Variants in ZDHHC16 observed in about 807,000 individuals in gnomAD.
The protein encoded by ZDHHC16 is zDHHC palmitoyltransferase 16.
ZDHHC16 carries 33 observed loss-of-function variants against 54.4 expected under a neutral mutation model. The ratio of observed to expected loss-of-function variants is 0.61; its 90% CI spans 0.46 to 0.81. The LOEUF (loss-of-function observed/expected upper bound fraction) is 0.81, where lower values mean the gene tolerates loss of function less well. Among genes scored for constraint, ZDHHC16 ranks in the 30% least tolerant of loss-of-function variants. The pLI is 0.00. For missense variants in ZDHHC16, 420 were observed against 485.9 expected (o/e 0.86, Z 1.28); for synonymous variants, 185 against 182.1 (o/e 1.02, Z -0.13).
rs919246194 is a variant in ZDHHC16 at position 97,451,591 on chromosome 10, G to C, written c.-5-80G>C. ...TTAGTCTTAGGTCTTTGCCCTCCAA[G>C]TGAGTACTCTAGGCCTTCCCACTAG... On this transcript the variant is annotated intron_variant, in intron 2 of 11. Coordinates refer to ENST00000393760, the MANE Select transcript of ZDHHC16 (RefSeq NM_198046.3). 8 of 1,523,196 alleles carry C rather than the reference G, an allele frequency of 5.3e-6. No homozygotes were observed. In the African/African-American group the frequency reaches 1.1e-4, roughly 21 times the overall value. 94.4% of individuals were successfully genotyped at this position (1,523,196 alleles called of 1,614,324 possible). A position where few individuals can be genotyped will look rare whatever the true frequency, so the allele number is the denominator to read the frequency against.
intron 6 of ZDHHC16, 149 bp downstream of exon 6, chr10:97,453,072 C>A: frequency 2.0e-6 from 2 of 1,015,684 alleles, no homozygotes; most frequent in Non-Finnish European, 3.1e-6. Context: ...GAGCAGGAAG[C>A]TCACACTCTA....
intron 5 of ZDHHC16, 83 bp downstream of exon 5, chr10:97,452,586 A>G: frequency 3.5e-6 from 5 of 1,429,140 alleles, no homozygotes; most frequent in Non-Finnish European, 4.8e-6. Context: ...GAGTTTGCTA[A>G]GACATGGGTG....
intron 6 of ZDHHC16, among the ~76,000 whole-genome samples, chr10:97,453,124 T>G (rs1267188121): frequency 1.3e-5 from 2 of 152,230 alleles, no homozygotes; most frequent in Non-Finnish European, 1.5e-5. Flanking sequence ...AACACCTCTT[T>G]CTTTTCTAGA....
rs779933347 is a variant in ZDHHC16 at position 97,452,939 on chromosome 10, CTCT to C, written c.556+20_556+22del. ...CACCACTGCCGTATCCTTTTGCTTT[CTCT>C]TCTGCCTGAGGCCTTCTTTAGCTCC... On this transcript the variant is annotated intron_variant, in intron 6 of 11. Transcript: ENST00000393760. 1.2e-6 allele frequency: 2 copies of C among 1,614,206 alleles called. No individual in the cohort carries two copies. Among genetic ancestry groups the C allele is most frequent in the Non-Finnish European group, 8.5e-7 (1 of 1,180,040 alleles).
chr10:97,451,680 G>A lies in ZDHHC16; in HGVS notation c.5G>A (p.Arg2Gln), dbSNP rs762631840. The part of the protein sequence containing the change: M[R>Q]GQRSLLLGPA... The stretch of plus-strand genomic sequence containing the variant: ...TGGTGTGCTCTCGTAGGAACCATGC[G>A]AGGCCAGCGGAGCCTGCTGCTGGGC... The change falls in exon 3 of 12, where the codon CGA (arginine) becomes CAA (glutamine). Residue 2 changes from arginine to glutamine, a missense_variant. Coordinates refer to ENST00000393760, the MANE Select transcript of ZDHHC16 (RefSeq NM_198046.3). 164 of 1,609,632 alleles carry A rather than the reference G, an allele frequency of 1.0e-4. 1 individual carries two copies. The Admixed American group carries it at 1.3e-3, about 12-fold the overall frequency.
intron 5 of ZDHHC16, 21 bp from the exon 6 acceptor site, chr10:97,452,874 G>A (rs1199444788): frequency 1.2e-6 from 2 of 1,614,200 alleles, no homozygotes; most frequent in Non-Finnish European, 8.5e-7. Flanking sequence ...CCGTAACAGA[G>A]CCTGTGTCCC....
chr10:97,452,633 T>C, intron 5 of ZDHHC16, 130 bp downstream of exon 5: 1 of 1,038,918 alleles, frequency 9.6e-7, no homozygotes, highest in Non-Finnish European at 1.4e-6. Flanking sequence ...TGCCCTCTTC[T>C]CCTGACACCT....
intron 9 of ZDHHC16, 84 bp from the exon 10 acceptor site, chr10:97,455,576 G>A (rs746241018): frequency 6.2e-7 from 1 of 1,608,688 alleles, no homozygotes; most frequent in Non-Finnish European, 8.5e-7. Flanking sequence ...TTCCAAACCA[G>A]TTGTTACTGC....
rs547827562 is a variant in ZDHHC16 at position 97,446,452 on chromosome 10, TCCTCG to T, written c.-186+102_-186+106del. 175 of 187,092 alleles carry T rather than the reference TCCTCG, an allele frequency of 9.4e-4. 1 individual carries two copies. The highest frequency in any genetic ancestry group is 3.9e-3 in the African/African-American group (164 of 41,830). The allele number at this position is 187,092 out of a possible 1,614,324, so 11.6% of individuals were successfully genotyped here. ...GTCTTGAGTGCGGGTTCCTGCTCTC[TCCTCG>T]CCCCGCCCTGCGGGGCCGTGCCCTC... is the stretch of plus-strand genomic sequence containing the variant. On this transcript the variant is annotated intron_variant, in intron 1 of 11. Transcript: ENST00000393760.
At chr10:97,447,855 G>A (rs1156461737) in intron 1 of ZDHHC16, among the ~76,000 whole-genome samples, 8 of 152,088 alleles carry the variant, frequency 5.3e-5, no homozygotes, top group African/African-American at 1.2e-4. Context: ...CCCAGGAGGC[G>A]GAGGTTGTGG....
chr10:97,453,616 A>C lies in ZDHHC16; in HGVS notation c.643A>C (p.Ser215Arg). 1 of 1,614,154 alleles carries C rather than the reference A, an allele frequency of 6.2e-7. No individual in the cohort carries two copies. Among genetic ancestry groups the C allele is most frequent in the Admixed American group, 1.7e-5 (1 of 60,018 alleles). Residue 215 changes from serine to arginine, a missense_variant, in exon 7 of 12, where the codon AGC (serine) becomes CGC (arginine). Transcript: ENST00000393760. ...CATGACTCTGGGCTGTGTCTACTGCAGCTATGGAAGTTGGGACCTTTTCCG... is the reference window on the plus strand; with the variant it reads ...CATGACTCTGGGCTGTGTCTACTGCCGCTATGGAAGTTGGGACCTTTTCCG... ...FFMTLGCVYC[S>R]YGSWDLFREA...
intron 10 of ZDHHC16, 75 bp from the exon 11 acceptor site, chr10:97,455,899 C>T (rs1847131416): frequency 6.2e-7 from 1 of 1,606,990 alleles, no homozygotes; most frequent in Non-Finnish European, 8.5e-7. Flanking sequence ...CAGAACTACT[C>T]TATCTGAGCT....
intron 1 of ZDHHC16, among the ~76,000 whole-genome samples, chr10:97,447,537 C>T (rs1403161426): frequency 6.6e-6 from 1 of 152,148 alleles, no homozygotes; most frequent in African/African-American, 2.4e-5. Context: ...AGTAAAGCTG[C>T]GCTTTGCTCT....
At chr10:97,451,411 T>C (rs1186012497) in intron 2 of ZDHHC16, among the ~76,000 whole-genome samples, 1 of 152,258 alleles carries the variant, frequency 6.6e-6, no homozygotes, top group Non-Finnish European at 1.5e-5. Flanking sequence ...GGATTTGCTA[T>C]GCAACCATGT....
chr10:97,452,355 C>G, intron 4 of ZDHHC16, 60 bp from the exon 5 acceptor site: 2 of 1,611,348 alleles, frequency 1.2e-6, no homozygotes, highest in Non-Finnish European at 1.7e-6. Context: ...GGGAGAGTAT[C>G]TTGGTATAGT....
At position 97,452,240 on chromosome 10, in the gene ZDHHC16, C is replaced by T; in HGVS notation, c.394C>T (p.His132Tyr). 1 of 1,614,160 alleles carries T rather than the reference C, an allele frequency of 6.2e-7. No individual in the cohort carries two copies. The highest frequency in any genetic ancestry group is 8.5e-7 in the Non-Finnish European group (1 of 1,180,032). ...SHWNLILIVF[H>Y]YYQAITTPPG... ...CTGGAATCTGATCCTGATTGTCTTC[C>T]ACTACTACCAGGCCATCACCACTCC... Residue 132 changes from histidine (H) to tyrosine (Y), a missense_variant, in exon 4 of 12, where the codon CAC (histidine) becomes TAC (tyrosine). His to Tyr is a moderately conservative substitution (Grantham distance 83). Transcript: ENST00000393760.
At position 97,446,178 on chromosome 10, in the gene ZDHHC16, G is replaced by A. The variant is rs1220784424; in HGVS notation, c.-361G>A. 2.5e-6 allele frequency: 2 copies of A among 786,886 alleles called. No individual in the cohort carries two copies. The highest frequency in any genetic ancestry group is 4.1e-6 in the Non-Finnish European group (2 of 490,544). 48.7% of individuals were successfully genotyped at this position (786,886 alleles called of 1,614,324 possible). A position where few individuals can be genotyped will look rare whatever the true frequency, so the allele number is the denominator to read the frequency against. On this transcript the variant is annotated 5_prime_UTR_variant, in exon 1 of 12. Transcript: ENST00000393760. ...GTCCACGCTGGCGCCTGCGCGTGTG[G>A]TTGAGGATGGGCTGGCGGCGGGTCC...
Position 97,446,277 on chromosome 10 carries a change from G to A in ZDHHC16, c.-262G>A. 1.9e-6 allele frequency: 1 copy of A among 528,946 alleles called. No individual in the cohort carries two copies. The highest frequency in any genetic ancestry group is 1.9e-5 in the African/African-American group (1 of 51,352). The allele number at this position is 528,946 out of a possible 1,614,324, so 32.8% of individuals were successfully genotyped here. ...GAGCCGGGCCCGGCCGGGGCGCCGA[G>A]TCGGAGGGGGTGGCAGTGAGCGGCG... On this transcript the variant is annotated 5_prime_UTR_variant, in exon 1 of 12. Coordinates refer to ENST00000393760, the MANE Select transcript of ZDHHC16 (RefSeq NM_198046.3).
chr10:97,446,763 G>GCT (rs1846083162), intron 1 of ZDHHC16, among the ~76,000 whole-genome samples: 1 of 152,148 alleles, frequency 6.6e-6, no homozygotes, highest in Non-Finnish European at 1.5e-5. Context: ...CTGTCGCCAG[G>GCT]CTGGAGTGCA....
Sources: allele counts gnomAD v4.1 joint callset (sites outside exome capture counted in the v4.1 genomes callset), GRCh38; gene constraint gnomAD v4.1.1; transcripts MANE v1.5; gene names NCBI Gene and HGNC (gene_info 2026-07-23, HGNC 2026-07-21).